Variants in UBL3 observed in about 807,000 individuals in gnomAD.
UBL3 encodes the protein ubiquitin like 3, also known as ubiquitin-like protein 3.
UBL3 carries 6 observed loss-of-function variants against 18.4 expected under a neutral mutation model. The ratio of observed to expected loss-of-function variants is 0.33; its 90% confidence interval spans 0.18 to 0.64. UBL3 has a LOEUF of 0.64. UBL3 is among the 30% of genes least tolerant of loss of function. The pLI, the probability that UBL3 is intolerant of heterozygous loss-of-function variation, is 0.76. For missense variants in UBL3, 109 were observed against 142.9 expected (o/e 0.76, Z 1.21); for synonymous variants, 49 against 46.6 (o/e 1.05, Z -0.21).
At chr13:29,844,051 C>G (rs1250575167) in intron 1 of UBL3, among the ~76,000 whole-genome samples, 1 of 152,180 alleles carries the variant, frequency 6.6e-6, no homozygotes, top group Non-Finnish European at 1.5e-5. Flanking sequence ...ATCATAGATT[C>G]TTCTTTTAAA....
At chr13:29,843,209 T>C (rs1390471446) in intron 1 of UBL3, among the ~76,000 whole-genome samples, 3 of 152,218 alleles carry the variant, frequency 2.0e-5, no homozygotes, top group East Asian at 1.9e-4. Context: ...CACATACCTA[T>C]AGTATATGTG....
chr13:29,799,819 A>G lies in UBL3; in HGVS notation c.28-22556T>C, dbSNP rs183590252. On this transcript the variant is annotated intron_variant, in intron 1 of 4. Transcript: ENST00000380680. Reference sequence around the variant, plus strand: ...AAATCACATTTGGCTTTTTCTTTTAAGCCTAGAATAATACCATGCAGTTTA... The same window carrying G: ...AAATCACATTTGGCTTTTTCTTTTAGGCCTAGAATAATACCATGCAGTTTA... Among the ~76,000 whole-genome samples, 291 of 152,328 alleles carry G rather than the reference A, an allele frequency of 1.9e-3. 1 individual carries two copies. The highest frequency in any genetic ancestry group is 6.6e-3 in the African/African-American group (275 of 41,574).
rs1187798547 is a variant in UBL3, at chr13:29,824,558, T to C, written c.27+24954A>G. Among the ~76,000 whole-genome samples the C allele has an allele frequency of 3.3e-5, 5 of 152,156 alleles. No individual in the cohort carries two copies. The East Asian group carries it at 9.6e-4, about 29-fold the overall frequency. ...TTCGCCCACTTGTTGCTGGGGTTGT[T>C]TTTTTTCTTGTAAATTTGTTTGAGT... On this transcript the variant is annotated intron_variant, in intron 1 of 4. Coordinates refer to ENST00000380680, the MANE Select transcript of UBL3 (RefSeq NM_007106.4).
rs537642240 is a variant in UBL3, at chr13:29,803,951, CT to C, written c.28-26689del. On this transcript the variant is annotated intron_variant, in intron 1 of 4. Coordinates refer to ENST00000380680, the MANE Select transcript of UBL3 (RefSeq NM_007106.4). ...TGACCAAAAAAGACCTAACAGACAT[CT>C]ACAGAACTCTTCACCAAAAAACATA... Among the ~76,000 whole-genome samples the C allele has an allele frequency of 4.6e-5, 7 of 151,886 alleles. No homozygotes were observed. The South Asian group carries it at 1.5e-3, about 32-fold the overall frequency.
intron 1 of UBL3, among the ~76,000 whole-genome samples, chr13:29,798,339 A>G (rs1179011335): frequency 6.6e-6 from 1 of 152,102 alleles, no homozygotes; most frequent in Admixed American, 6.5e-5. Flanking sequence ...AACATCTTTA[A>G]TGAAGGCATG....
In UBL3 at chr13:29,835,141, T is replaced by TAA. The variant is rs1566001102; in HGVS notation, c.27+14370_27+14371insTT. Reference sequence around the variant, plus strand: ...ATATATATAAATATATATATATATATATATATATATATATATATATATATA... The same window carrying TAA: ...ATATATATAAATATATATATATATATAAATATATATATATATATATATATATA... On this transcript the variant is annotated intron_variant, in intron 1 of 4. Coordinates refer to ENST00000380680, the MANE Select transcript of UBL3 (RefSeq NM_007106.4). Among the ~76,000 whole-genome samples, 85 of 10,964 alleles carry TAA rather than the reference T, an allele frequency of 7.8e-3. 3 individuals carry two copies. The highest frequency in any genetic ancestry group is 0.011 in the Non-Finnish European group (69 of 6,040). 7.2% of individuals were successfully genotyped at this position (10,964 alleles called of 152,430 possible).
chr13:29,840,838 G>A (rs1012810079), intron 1 of UBL3, among the ~76,000 whole-genome samples: 1 of 151,982 alleles, frequency 6.6e-6, no homozygotes, highest in Non-Finnish European at 1.5e-5. Flanking sequence ...TATGGAATTC[G>A]CTAAATAATT....
At chr13:29,801,095 C>A (rs1877749947) in intron 1 of UBL3, among the ~76,000 whole-genome samples, 1 of 152,186 alleles carries the variant, frequency 6.6e-6, no homozygotes, top group Non-Finnish European at 1.5e-5. Flanking sequence ...CAACCCACAG[C>A]CCCTCTGCCA....
chr13:29,840,136 A>G (rs1419144521), intron 1 of UBL3, among the ~76,000 whole-genome samples: 1 of 152,106 alleles, frequency 6.6e-6, no homozygotes, highest in East Asian at 1.9e-4. Flanking sequence ...AAAGAGACCC[A>G]AATTACAATA....
At chr13:29,831,563 G>A (rs1270144340) in intron 1 of UBL3, among the ~76,000 whole-genome samples, 2 of 149,894 alleles carry the variant, frequency 1.3e-5, no homozygotes, top group Non-Finnish European at 3.0e-5. Flanking sequence ...ACTCCAGCCT[G>A]GGCAACAAGA....
chr13:29,801,000 A>T (rs912518024), intron 1 of UBL3, among the ~76,000 whole-genome samples: 16 of 152,168 alleles, frequency 1.1e-4, no homozygotes, highest in African/African-American at 3.6e-4. Flanking sequence ...GTGCCTCTCA[A>T]CCTGGACCCC....
intron 1 of UBL3, among the ~76,000 whole-genome samples, chr13:29,841,952 G>A (rs1701294628): frequency 6.6e-6 from 1 of 152,068 alleles, no homozygotes. Flanking sequence ...CATTCTGTAA[G>A]TGATTATGTT....
intron 1 of UBL3, among the ~76,000 whole-genome samples, chr13:29,801,705 G>C (rs944467290): frequency 1.3e-5 from 2 of 152,152 alleles, no homozygotes; most frequent in East Asian, 1.9e-4. Flanking sequence ...TATACCTTTA[G>C]CAAGTCATAG....
chr13:29,844,530 T>G (rs1879183823), intron 1 of UBL3, among the ~76,000 whole-genome samples: 1 of 152,200 alleles, frequency 6.6e-6, no homozygotes, highest in African/African-American at 2.4e-5. Flanking sequence ...AGTTAAATTA[T>G]GCATAGTATA....
chr13:29,834,696 A>G (rs1390892795), intron 1 of UBL3, among the ~76,000 whole-genome samples: 1 of 152,314 alleles, frequency 6.6e-6, no homozygotes, highest in Non-Finnish European at 1.5e-5. Flanking sequence ...TGAGGTTGAA[A>G]TATCAGAGTA....
chr13:29,843,725 T>G (rs905073874), intron 1 of UBL3, among the ~76,000 whole-genome samples: 2 of 152,246 alleles, frequency 1.3e-5, no homozygotes, highest in South Asian at 2.1e-4. Flanking sequence ...TAAAATTCAT[T>G]GTAAGGAAGA....
intron 1 of UBL3, among the ~76,000 whole-genome samples, chr13:29,835,101 T>TATAAATATATATATAA (rs1566000937): frequency 0.012 from 536 of 44,950 alleles, 62 homozygotes; most frequent in Non-Finnish European, 0.016. Flanking sequence ...TATATATATA[T>TATAAATATATATATAA]ATATAAATAT....
intron 1 of UBL3, 184 bp from the exon 2 acceptor site, chr13:29,777,447 A>G (rs1877030115): frequency 1.5e-6 from 1 of 687,748 alleles, no homozygotes; most frequent in Non-Finnish European, 2.6e-6. Context: ...TTTATTTCCT[A>G]TTATTTAAAG....
chr13:29,839,426 T>C (rs186610847), intron 1 of UBL3, among the ~76,000 whole-genome samples: 1 of 152,152 alleles, frequency 6.6e-6, no homozygotes, highest in Non-Finnish European at 1.5e-5. Context: ...ACTTGTAAGA[T>C]CCATCTAAGT....
Sources: gnomAD v4.1 joint callset for allele counts (sites outside exome capture counted in the v4.1 genomes callset) on GRCh38, gnomAD v4.1.1 for gene constraint, MANE v1.5 for transcripts, NCBI Gene and HGNC (gene_info 2026-07-23, HGNC 2026-07-21) for gene names.